Variants in CREB5 observed in about 807,000 individuals in gnomAD.
The protein encoded by CREB5 is cAMP responsive element binding protein 5, also known as cyclic AMP-responsive element-binding protein 5.
A neutral mutation model predicts 57.1 loss-of-function variants in CREB5; 19 were observed. The ratio of observed to expected loss-of-function variants is 0.33; its 90% CI spans 0.23 to 0.49. The LOEUF (loss-of-function observed/expected upper bound fraction) is 0.49, where lower values mean the gene tolerates loss of function less well. CREB5 is among the 20% of genes least tolerant of loss of function. CREB5 has a pLI of 0.99. For synonymous variants in CREB5, 238 were observed against 238.3 expected, an observed-to-expected ratio of 1.00 and a Z score of 0.01; for missense variants, 579 against 671.6, an observed-to-expected ratio of 0.86 and a Z score of 1.52.
At chr7:28,518,986 T>C (rs1793092679) in intron 4 of CREB5, among the ~76,000 whole-genome samples, 1 of 152,220 alleles carries the variant, frequency 6.6e-6, no homozygotes, top group African/African-American at 2.4e-5. Context: ...GAATTGACAT[T>C]AAAACTGGTT....
chr7:28,422,535 C>A (rs1255548132), intron 1 of CREB5, among the ~76,000 whole-genome samples: 1 of 152,128 alleles, frequency 6.6e-6, no homozygotes, highest in Non-Finnish European at 1.5e-5. Flanking sequence ...GGCAAATATT[C>A]ATGAGAAGGT....
intron 4 of CREB5, among the ~76,000 whole-genome samples, chr7:28,524,236 G>C (rs896792493): frequency 6.6e-6 from 1 of 151,610 alleles, no homozygotes; most frequent in Non-Finnish European, 1.5e-5. Context: ...CAGCATTTCG[G>C]GAGTCAAAGA....
At position 28,822,358 on chromosome 7, in the gene CREB5, A is replaced by C. The variant is rs1357439913; in HGVS notation, c.*3079A>C. 6.6e-6 allele frequency: 1 copy of C among 152,656 alleles called. No individual in the cohort carries two copies. Among genetic ancestry groups the C allele is most frequent in the Non-Finnish European group, 1.5e-5 (1 of 68,054 alleles). The allele number at this position is 152,656 out of a possible 1,614,324, so 9.5% of individuals were successfully genotyped here. A position where few individuals can be genotyped will look rare whatever the true frequency, so the allele number is the denominator to read the frequency against. On this transcript the variant is annotated 3_prime_UTR_variant, in exon 11 of 11. Coordinates refer to ENST00000357727, the MANE Select transcript of CREB5 (RefSeq NM_182898.4). ...AAAGGCCCAGCCGTCACCAGACAAC[A>C]GAATAATCAATCTGCCTGAAAATCC...
At position 28,766,961 on chromosome 7, in the gene CREB5, G is replaced by A. The variant is rs188067890; in HGVS notation, c.703-37238G>A. 5.8e-3 allele frequency among the ~76,000 whole-genome samples: 887 copies of A among 152,308 alleles called. 8 individuals carry two copies. The highest frequency in any genetic ancestry group is 9.4e-3 in the Non-Finnish European group (638 of 68,016). ...GTAAGGACAGGTCATCTGCACTCCA[G>A]TTCAAACACAGAATTGGACGCTAAA... On this transcript the variant is annotated intron_variant, in intron 7 of 10. Coordinates refer to ENST00000357727, the MANE Select transcript of CREB5 (RefSeq NM_182898.4).
chr7:28,644,096 A>AAGGG (rs1447156821), intron 5 of CREB5, among the ~76,000 whole-genome samples: 1 of 151,626 alleles, frequency 6.6e-6, no homozygotes, highest in African/African-American at 2.4e-5. Context: ...AAAAGGAAGG[A>AAGGG]AGGGAGGGAG....
chr7:28,528,082 T>A (rs190555854), intron 4 of CREB5, among the ~76,000 whole-genome samples: 14 of 152,348 alleles, frequency 9.2e-5, no homozygotes, highest in African/African-American at 3.4e-4. Context: ...ACTTACTAAA[T>A]GGAAAGCATG....
chr7:28,603,391 C>T (rs911197734), intron 5 of CREB5, among the ~76,000 whole-genome samples: 20 of 152,198 alleles, frequency 1.3e-4, no homozygotes, highest in Admixed American at 2.0e-4. Context: ...GTTTTGATCA[C>T]GGCCTATTTG....
chr7:28,482,679 T>A (rs1791383148), intron 1 of CREB5, among the ~76,000 whole-genome samples: 1 of 152,256 alleles, frequency 6.6e-6, no homozygotes, highest in Admixed American at 6.5e-5. Context: ...TAAATGCTGA[T>A]AAATGTTGTC....
At chr7:28,720,568 G>A (rs1003994139) in intron 6 of CREB5, among the ~76,000 whole-genome samples, 3 of 152,148 alleles carry the variant, frequency 2.0e-5, no homozygotes, top group Non-Finnish European at 2.9e-5. Flanking sequence ...CGAAGGGCCC[G>A]CAGACTCAGT....
At chr7:28,326,208 T>TCTAC (rs66854908) in intron 1 of CREB5, among the ~76,000 whole-genome samples, 4 of 119,958 alleles carry the variant, frequency 3.3e-5, no homozygotes, top group Admixed American at 8.4e-5. Flanking sequence ...TATCTATCTA[T>TCTAC]CTACCTATCT....
intron 3 of CREB5, among the ~76,000 whole-genome samples, chr7:28,497,825 C>T (rs1364919596): frequency 6.6e-6 from 1 of 152,094 alleles, no homozygotes; most frequent in African/African-American, 2.4e-5. Flanking sequence ...GCCTTATTTT[C>T]CATAAGGCTA....
intron 7 of CREB5, among the ~76,000 whole-genome samples, chr7:28,793,078 C>CCT (rs140616393): frequency 7.3e-5 from 11 of 151,416 alleles, no homozygotes; most frequent in East Asian, 5.8e-4. Context: ...TATTGCAATC[C>CCT]CTCTCTCTCT....
chr7:28,479,079 C>A (rs1057045549), intron 1 of CREB5, among the ~76,000 whole-genome samples: 1 of 152,202 alleles, frequency 6.6e-6, no homozygotes, highest in African/African-American at 2.4e-5. Flanking sequence ...CCCTTCCTTT[C>A]ATCTCCTCTT....
chr7:28,409,324 G>T (rs1450044458), upstream of CREB5: 1 of 152,616 alleles, frequency 6.6e-6, no homozygotes, highest in Non-Finnish European at 1.5e-5. The surrounding 1 kb of genome is among the most constrained non-coding windows in gnomAD (Gnocchi z 4.4). Flanking sequence ...CACCGGGGGG[G>T]TGATGTAATG....
intron 5 of CREB5, among the ~76,000 whole-genome samples, chr7:28,673,704 G>A (rs182173404): frequency 4.1e-4 from 46 of 110,982 alleles, no homozygotes; most frequent in South Asian, 9.2e-4. Flanking sequence ...TTCGAGTCTC[G>A]CTCTGCCACC....
intron 1 of CREB5, among the ~76,000 whole-genome samples, chr7:28,433,001 T>G: frequency 6.6e-6 from 1 of 152,228 alleles, no homozygotes; most frequent in South Asian, 2.1e-4. Context: ...CATGATTTAT[T>G]TTTTTGAAAA....
intron 7 of CREB5, among the ~76,000 whole-genome samples, chr7:28,753,866 A>G (rs903161896): frequency 2.6e-5 from 4 of 152,136 alleles, no homozygotes; most frequent in African/African-American, 4.8e-5. Flanking sequence ...TGTAAGGACT[A>G]TGATGCAAGA....
chr7:28,361,661 T>C (rs893036705), intron 1 of CREB5, among the ~76,000 whole-genome samples: 6 of 152,218 alleles, frequency 3.9e-5, no homozygotes, highest in African/African-American at 7.2e-5. Flanking sequence ...GGTTCCTGTC[T>C]TTTTCAGGGC....
At chr7:28,504,415 C>CT (rs1446760147) in intron 3 of CREB5, among the ~76,000 whole-genome samples, 3 of 152,168 alleles carry the variant, frequency 2.0e-5, no homozygotes, top group African/African-American at 7.2e-5. Context: ...TGCATAATAT[C>CT]TAAGGTGTGC....
Sources: allele counts gnomAD v4.1 joint callset (sites outside exome capture counted in the v4.1 genomes callset), GRCh38; gene constraint gnomAD v4.1.1; non-coding constraint Gnocchi (gnomAD v3.1); transcripts MANE v1.5; gene names NCBI Gene and HGNC (gene_info 2026-07-23, HGNC 2026-07-21).